BPIFB3: variants seen among roughly 807,000 people sequenced by gnomAD.
BPIFB3 encodes BPI fold-containing family B member 3.
Under a neutral mutation model 53.1 loss-of-function variants are expected in BPIFB3, and 49 were observed. The observed-to-expected ratio is 0.92, with a 90% CI of 0.73 to 1.17. The LOEUF (loss-of-function observed/expected upper bound fraction) is 1.17. Ranked by LOEUF, BPIFB3 falls within the 50% of genes most tolerant of loss-of-function variation. The pLI is 0.00. For missense variants in BPIFB3, 628 were observed against 592.5 expected (o/e 1.06, Z -0.62); for synonymous variants, 271 against 269.6 (o/e 1.01, Z -0.05).
In BPIFB3 at chr20:33,072,812, T is replaced by C; in HGVS notation, c.1401+19T>C. On this transcript the variant is annotated intron_variant, in intron 14 of 14. Transcript: ENST00000375494. The stretch of plus-strand genomic sequence containing the variant: ...CGTAGAGGTGAGCCTTCTCTGCAGA[T>C]ACGGCCCAGGTGGGCCTTAAGCTTG... The C allele has an allele frequency of 1.3e-6, 2 of 1,591,906 alleles. No individual in the cohort carries two copies. The highest frequency in any genetic ancestry group is 1.7e-6 in the Non-Finnish European group (2 of 1,159,800).
At chr20:33,057,950 T>G (rs1980290234) in intron 2 of BPIFB3, among the ~76,000 whole-genome samples, 2 of 152,210 alleles carry the variant, frequency 1.3e-5, no homozygotes, top group Non-Finnish European at 2.9e-5. Context: ...ATGAATTATC[T>G]CACTGAGCCC....
intron 13 of BPIFB3, 75 bp from the exon 15 acceptor site, chr20:33,072,642 C>T: frequency 1.6e-6 from 2 of 1,253,154 alleles, no homozygotes; most frequent in South Asian, 1.2e-5. Flanking sequence ...ATAGGGTCAG[C>T]AGGGTCCGAG....
intron 11 of BPIFB3, among the ~76,000 whole-genome samples, chr20:33,070,487 A>G (rs1277154860): frequency 6.6e-6 from 1 of 152,218 alleles, no homozygotes; most frequent in Admixed American, 6.5e-5. Flanking sequence ...ACAGTACTTT[A>G]CAGTTTGCAA....
At chr20:33,059,987 C>T in exon 4 of BPIFB3, 2 of 1,614,184 alleles carry the variant, frequency 1.2e-6, no homozygotes, top group Non-Finnish European at 1.7e-6. Context: ...TCCTTATCCT[C>T]AAGCGCTGCA....
chr20:33,072,649 CGA>C, intron 13 of BPIFB3, 66 bp from the exon 15 acceptor site: 2 of 1,363,026 alleles, frequency 1.5e-6, no homozygotes, highest in Non-Finnish European at 2.1e-6. Flanking sequence ...CAGCAGGGTC[CGA>C]GGGTTCCTAG....
intron 9 of BPIFB3, 146 bp from the exon 11 acceptor site, chr20:33,068,657 G>T: frequency 2.5e-6 from 2 of 798,296 alleles, no homozygotes; most frequent in Non-Finnish European, 3.9e-6. Context: ...CCTCATGGGG[G>T]CTGAGCCCAG....
At chr20:33,061,912 C>T (rs536576945) in intron 5 of BPIFB3, 81 bp downstream of exon 6, 48 of 1,525,594 alleles carry the variant, frequency 3.1e-5, no homozygotes, top group Middle Eastern at 3.4e-4. Flanking sequence ...TGAAGTTTGG[C>T]GCCAGGCAGG....
intron 6 of BPIFB3, 138 bp downstream of exon 7, chr20:33,063,813 C>T: frequency 1.1e-6 from 1 of 874,788 alleles, no homozygotes; most frequent in East Asian, 2.7e-5. Flanking sequence ...GACAGGCTGC[C>T]CCTTTGAGGA....
chr20:33,063,348 C>T (rs944482309), intron 5 of BPIFB3, among the ~76,000 whole-genome samples: 7 of 152,164 alleles, frequency 4.6e-5, no homozygotes, highest in Non-Finnish European at 8.8e-5. Flanking sequence ...ATGTGTCTCC[C>T]GTGGTCCCCC....
chr20:33,061,951 C>T (rs1269404236), intron 5 of BPIFB3, 120 bp downstream of exon 6: 2 of 1,165,694 alleles, frequency 1.7e-6, no homozygotes, highest in Admixed American at 2.0e-5. Context: ...TCCACACCCA[C>T]CTGGTAATCC....
intron 11 of BPIFB3, among the ~76,000 whole-genome samples, chr20:33,070,347 C>G (rs528406910): frequency 6.6e-6 from 1 of 152,340 alleles, no homozygotes; most frequent in East Asian, 1.9e-4. Context: ...TGTTACTTCT[C>G]TATTCTCCTC....
At chr20:33,059,794 G>A in intron 3 of BPIFB3, 97 bp from the exon 5 acceptor site, 1 of 1,490,820 alleles carries the variant, frequency 6.7e-7, no homozygotes. Context: ...CTGAGAAGGG[G>A]GCACAGAGCC....
At chr20:33,063,753 G>A (rs1166462996) in intron 6 of BPIFB3, 78 bp downstream of exon 7, 2 of 1,462,154 alleles carry the variant, frequency 1.4e-6, no homozygotes, top group African/African-American at 1.4e-5. Flanking sequence ...GGGTACGAAG[G>A]GGAGCCAGAA....
In BPIFB3 at chr20:33,068,978, G is replaced by A. The variant is rs747810408; in HGVS notation, c.1149+5G>A. Reference sequence around the variant, plus strand: ...TCCCTCTTTGAGCTGAACTCCGTGAGTGGTCAAGGGGTGGCTGGGGGCCCG... The same window carrying A: ...TCCCTCTTTGAGCTGAACTCCGTGAATGGTCAAGGGGTGGCTGGGGGCCCG... On this transcript the variant is annotated splice_donor_5th_base_variant and intron_variant, in intron 10 of 14. Transcript: ENST00000375494. The A allele has an allele frequency of 6.2e-7, 1 of 1,611,992 alleles. No homozygotes were observed. Among genetic ancestry groups the A allele is most frequent in the Non-Finnish European group, 8.5e-7 (1 of 1,178,416 alleles).
At chr20:33,073,008 A>G (rs114539854) in intron 14 of BPIFB3, among the ~76,000 whole-genome samples, 421 of 152,372 alleles carry the variant, frequency 2.8e-3, no homozygotes, top group African/African-American at 9.6e-3. Context: ...CATGGCAGAC[A>G]TCATCAATCA....
upstream of BPIFB3, among the ~76,000 whole-genome samples, chr20:33,054,939 AG>A (rs1377506958): frequency 2.6e-5 from 4 of 152,344 alleles, no homozygotes; most frequent in African/African-American, 9.6e-5. Flanking sequence ...CTTCTGAAAC[AG>A]CCTCATGAGC....
chr20:33,062,921 C>T (rs1980515857), intron 5 of BPIFB3, among the ~76,000 whole-genome samples: 1 of 152,182 alleles, frequency 6.6e-6, no homozygotes, highest in Non-Finnish European at 1.5e-5. Flanking sequence ...TGTGACAGCC[C>T]TCTTTTGTCT....
chr20:33,073,512 T>C, intron 14 of BPIFB3, 64 bp from the exon 16 acceptor site: 3 of 1,588,970 alleles, frequency 1.9e-6, no homozygotes, highest in East Asian at 2.2e-5. Flanking sequence ...GGAGTAAAGA[T>C]GGCTGCAGGG....
rs113407329 is a variant in BPIFB3, at chr20:33,057,806, CT to C, written c.281+1119del. 1.6e-3 allele frequency among the ~76,000 whole-genome samples: 221 copies of C among 141,782 alleles called. 1 individual carries two copies. Among genetic ancestry groups the C allele is most frequent in the African/African-American group, 4.6e-3 (176 of 38,560 alleles). 93.0% of individuals were successfully genotyped at this position (141,782 alleles called of 152,430 possible). On this transcript the variant is annotated intron_variant, in intron 2 of 14. Coordinates refer to ENST00000375494, the Ensembl canonical transcript of BPIFB3. The stretch of plus-strand genomic sequence containing the variant: ...CTAAACATAGGATTGCAGAACACAG[CT>C]TTTTTTTTTTCATTCAAAAAAAAAA...
Sources: allele counts gnomAD v4.1 joint callset (sites outside exome capture counted in the v4.1 genomes callset), GRCh38; gene constraint gnomAD v4.1.1; transcripts MANE v1.5; gene names NCBI Gene and HGNC (gene_info 2026-07-23, HGNC 2026-07-21).